Variants in MRPL39 observed in about 807,000 individuals in gnomAD.
MRPL39 encodes the protein large ribosomal subunit protein mL39.
A neutral mutation model predicts 44.5 loss-of-function variants in MRPL39; 35 were observed. The ratio of observed to expected loss-of-function variants is 0.79; its 90% CI spans 0.60 to 1.04. MRPL39 has a LOEUF of 1.04. Ranked by LOEUF, MRPL39 falls within the 50% of genes least tolerant of loss-of-function variation. The pLI is 0.00. For synonymous variants in MRPL39, 139 were observed against 136.1 expected (o/e 1.02, Z -0.15); for missense variants, 433 against 413.5 (o/e 1.05, Z -0.41).
chr21:25,590,212 G>A (rs768749599), intron 8 of MRPL39, among the ~76,000 whole-genome samples: 6 of 152,082 alleles, frequency 3.9e-5, no homozygotes, highest in Non-Finnish European at 7.4e-5. Context: ...AAGGACTTGC[G>A]GATGGATGGG....
intron 4 of MRPL39, among the ~76,000 whole-genome samples, chr21:25,600,213 T>C (rs540660824): frequency 2.0e-5 from 3 of 152,056 alleles, no homozygotes; most frequent in African/African-American, 7.2e-5. Context: ...CTGGCCAACA[T>C]AGTAAAACCC....
intron 8 of MRPL39, among the ~76,000 whole-genome samples, chr21:25,590,389 A>G (rs2031137581): frequency 6.6e-6 from 1 of 152,138 alleles, no homozygotes; most frequent in Admixed American, 6.5e-5. Flanking sequence ...AGCTAAAAAA[A>G]AAAAAAAATC....
At chr21:25,592,570 T>A (rs1045139831) in intron 8 of MRPL39, among the ~76,000 whole-genome samples, 6 of 152,194 alleles carry the variant, frequency 3.9e-5, no homozygotes, top group Non-Finnish European at 7.4e-5. Context: ...CCCTCACCTA[T>A]GCTAACTTGA....
chr21:25,593,748 A>G, intron 7 of MRPL39, 145 bp downstream of exon 7: 1 of 555,280 alleles, frequency 1.8e-6, no homozygotes. Context: ...CACCATAACA[A>G]AACAATGAAC....
rs1601387888 is a variant in MRPL39 at position 25,607,453 on chromosome 21, GAA to G, written c.21_22del (p.Ser8ProfsTer38). 1 of 1,612,830 alleles carries G rather than the reference GAA, an allele frequency of 6.2e-7. No homozygotes were observed. The highest frequency in any genetic ancestry group is 2.2e-5 in the East Asian group (1 of 44,866). Reference sequence around the variant, plus strand: ...GACCAGCCAGAGCCGCAGCGCCCGGGAACCCATGGCCAGCGCCTCCATAGCAG... The same window carrying G: ...GACCAGCCAGAGCCGCAGCGCCCGGGCCCATGGCCAGCGCCTCCATAGCAG... On this transcript the variant is annotated frameshift_variant, in exon 1 of 10. Transcript: ENST00000352957. LOFTEE classifies it high-confidence loss of function.
chr21:25,599,994 A>G (rs1367547663), intron 4 of MRPL39, 128 bp from the exon 5 acceptor site: 1 of 680,970 alleles, frequency 1.5e-6, no homozygotes, highest in Non-Finnish European at 2.5e-6. Flanking sequence ...AAATTATAAA[A>G]TGGTTGCCAT....
chr21:25,607,189 C>T (rs1482492403), intron 1 of MRPL39, among the ~76,000 whole-genome samples: 1 of 152,218 alleles, frequency 6.6e-6, no homozygotes, highest in Non-Finnish European at 1.5e-5. Flanking sequence ...CGACCCCTGG[C>T]CCCGACCCCT....
At chr21:25,598,425 A>T (rs2031423164) in intron 5 of MRPL39, among the ~76,000 whole-genome samples, 1 of 142,236 alleles carries the variant, frequency 7.0e-6, no homozygotes, top group Non-Finnish European at 1.5e-5. Flanking sequence ...ACATAGTGAG[A>T]CCCCCATCTC....
intron 8 of MRPL39, among the ~76,000 whole-genome samples, chr21:25,591,202 A>G (rs1382871702): frequency 6.6e-6 from 1 of 152,124 alleles, no homozygotes; most frequent in Non-Finnish European, 1.5e-5. Flanking sequence ...GGAAAAAAAA[A>G]AGGAGAAAAT....
chr21:25,596,489 T>C (rs1053364113), intron 6 of MRPL39, among the ~76,000 whole-genome samples: 1 of 152,144 alleles, frequency 6.6e-6, no homozygotes, highest in Non-Finnish European at 1.5e-5. Flanking sequence ...AAGAATACTA[T>C]AAGACAGACT....
At chr21:25,596,421 T>C (rs903487361) in intron 6 of MRPL39, among the ~76,000 whole-genome samples, 2 of 152,238 alleles carry the variant, frequency 1.3e-5, no homozygotes, top group Non-Finnish European at 2.9e-5. Flanking sequence ...TAAGCCACTG[T>C]TCTTCAAACT....
At chr21:25,596,721 T>C (rs1270832076) in intron 6 of MRPL39, among the ~76,000 whole-genome samples, 1 of 152,232 alleles carries the variant, frequency 6.6e-6, no homozygotes, top group Non-Finnish European at 1.5e-5. Flanking sequence ...TTAGTTCTAA[T>C]ATTGTATTAG....
intron 1 of MRPL39, 88 bp downstream of exon 1, chr21:25,607,315 G>A (rs1032917196): frequency 2.2e-4 from 318 of 1,453,034 alleles, no homozygotes; most frequent in Non-Finnish European, 2.8e-4. Flanking sequence ...CTGCCCCGCG[G>A]GACCTCCCCG....
At chr21:25,586,332 C>T (rs1448671803) in intron 9 of MRPL39, among the ~76,000 whole-genome samples, 1 of 152,122 alleles carries the variant, frequency 6.6e-6, no homozygotes, top group Non-Finnish European at 1.5e-5. Flanking sequence ...CTGCATATTC[C>T]ATCAACAGTC....
chr21:25,607,725 G>T (rs948401666), upstream of MRPL39, among the ~76,000 whole-genome samples: 3 of 152,194 alleles, frequency 2.0e-5, no homozygotes. Flanking sequence ...CCCCCAGGGC[G>T]GTCGGCCTGC....
chr21:25,591,743 A>G (rs773418327), intron 8 of MRPL39, among the ~76,000 whole-genome samples: 3 of 152,164 alleles, frequency 2.0e-5, no homozygotes, highest in Non-Finnish European at 4.4e-5. Context: ...GTAAAATGGT[A>G]CCGTCACTCT....
At chr21:25,587,066 CAGT>C (rs1056872730) in intron 9 of MRPL39, among the ~76,000 whole-genome samples, 2 of 152,020 alleles carry the variant, frequency 1.3e-5, no homozygotes, top group African/African-American at 4.8e-5. Flanking sequence ...GCAAAATGGA[CAGT>C]AGAAAAAAGC....
chr21:25,602,973 T>C (rs931006985), intron 3 of MRPL39, among the ~76,000 whole-genome samples: 1 of 152,102 alleles, frequency 6.6e-6, no homozygotes, highest in Non-Finnish European at 1.5e-5. Flanking sequence ...TGATAGTGAG[T>C]TGAGTTCTCA....
chr21:25,598,653 C>T (rs554327892), intron 5 of MRPL39, among the ~76,000 whole-genome samples: 76 of 151,978 alleles, frequency 5.0e-4, no homozygotes, highest in Non-Finnish European at 8.8e-4. Flanking sequence ...TTTCCATCCT[C>T]TTCTCTCTCT....
Sources: allele counts gnomAD v4.1 joint callset (sites outside exome capture counted in the v4.1 genomes callset), GRCh38; gene constraint gnomAD v4.1.1; transcripts MANE v1.5; gene names NCBI Gene and HGNC (gene_info 2026-07-23, HGNC 2026-07-21).